Variants in RSRC1 observed in about 807,000 individuals in gnomAD.
The protein encoded by RSRC1 is arginine and serine rich coiled-coil 1, also known as serine/Arginine-related protein 53.
Under a neutral mutation model 49.1 loss-of-function variants are expected in RSRC1, and 39 were observed. The observed-to-expected ratio is 0.79, with a 90% confidence interval of 0.61 to 1.04. The LOEUF (loss-of-function observed/expected upper bound fraction) is 1.04. RSRC1 is among the 50% of genes least tolerant of loss of function. The pLI is 0.00. For synonymous variants in RSRC1, 143 were observed against 130.8 expected, an observed-to-expected ratio of 1.09 and a Z score of -0.63; for missense variants, 388 against 402.4, an observed-to-expected ratio of 0.96 and a Z score of 0.31.
chr3:158,485,815 G>T (rs573752643), intron 7 of RSRC1, among the ~76,000 whole-genome samples: 1 of 151,904 alleles, frequency 6.6e-6, no homozygotes, highest in African/African-American at 2.4e-5. Flanking sequence ...TCCAGTTTTC[G>T]TTTAGACATT....
At chr3:158,218,961 A>C (rs912564691) in intron 4 of RSRC1, among the ~76,000 whole-genome samples, 8 of 151,664 alleles carry the variant, frequency 5.3e-5, no homozygotes, top group African/African-American at 1.9e-4. Flanking sequence ...CCAGACACAC[A>C]AATAATGATA....
At chr3:158,348,573 T>A (rs557518211) in intron 5 of RSRC1, among the ~76,000 whole-genome samples, 2 of 136,972 alleles carry the variant, frequency 1.5e-5, no homozygotes, top group African/African-American at 2.5e-5. Context: ...TGTGTTTTTT[T>A]AAATTATTTT....
intron 6 of RSRC1, among the ~76,000 whole-genome samples, chr3:158,442,690 G>A (rs1411967492): frequency 6.6e-6 from 1 of 152,074 alleles, no homozygotes; most frequent in Non-Finnish European, 1.5e-5. Context: ...ATGGCATTTA[G>A]AATGGCAAAA....
intron 3 of RSRC1, among the ~76,000 whole-genome samples, chr3:158,202,112 T>C (rs1485425080): frequency 6.6e-6 from 1 of 152,104 alleles, no homozygotes; most frequent in Non-Finnish European, 1.5e-5. Context: ...CCTCCGAGGT[T>C]CAAGTGATTC....
chr3:158,397,639 A>AT (rs1733683654), intron 6 of RSRC1, among the ~76,000 whole-genome samples: 1 of 152,144 alleles, frequency 6.6e-6, no homozygotes, highest in African/African-American at 2.4e-5. Flanking sequence ...GACAACTTTA[A>AT]TATCTAGTAA....
intron 4 of RSRC1, among the ~76,000 whole-genome samples, chr3:158,203,884 A>G (rs1721210702): frequency 6.6e-6 from 1 of 152,186 alleles, no homozygotes; most frequent in Non-Finnish European, 1.5e-5. Context: ...TCCACTCATA[A>G]GTGTTTGTCA....
intron 4 of RSRC1, among the ~76,000 whole-genome samples, chr3:158,258,836 T>A (rs1321602944): frequency 3.3e-5 from 5 of 152,144 alleles, no homozygotes; most frequent in Non-Finnish European, 7.4e-5. Flanking sequence ...GCTAAGAGAC[T>A]CTGGTGCATT....
In RSRC1 at chr3:158,272,135, G is replaced by T. The variant is rs1017834583; in HGVS notation, c.495-25904G>T. 1.4e-4 allele frequency among the ~76,000 whole-genome samples: 22 copies of T among 152,108 alleles called. No homozygotes were observed. In the South Asian group the frequency reaches 4.4e-3, roughly 30 times the overall value. On this transcript the variant is annotated intron_variant, in intron 4 of 9. Transcript: ENST00000611884. ...CTCATTTTGCCTAAAAGCAAGTACC[G>T]GCAGATAAATGCCCATAAAGGGATT...
intron 4 of RSRC1, among the ~76,000 whole-genome samples, chr3:158,243,851 T>C (rs555421180): frequency 1.3e-5 from 2 of 152,302 alleles, no homozygotes; most frequent in South Asian, 2.1e-4. Flanking sequence ...TTGCCTGTTA[T>C]TGACGTAGAG....
At chr3:158,356,661 A>C (rs927273774) in intron 6 of RSRC1, among the ~76,000 whole-genome samples, 1 of 152,110 alleles carries the variant, frequency 6.6e-6, no homozygotes, top group African/African-American at 2.4e-5. Context: ...ATTCTATATC[A>C]TTTACATAAT....
At chr3:158,372,568 ATTAG>A (rs1471393975) in intron 6 of RSRC1, among the ~76,000 whole-genome samples, 4 of 151,948 alleles carry the variant, frequency 2.6e-5, no homozygotes, top group African/African-American at 7.2e-5. Context: ...GAGTCTGGAA[ATTAG>A]TTAGTGATTT....
chr3:158,289,441 A>G (rs1260537793), intron 4 of RSRC1, among the ~76,000 whole-genome samples: 3 of 152,224 alleles, frequency 2.0e-5, no homozygotes, highest in South Asian at 2.1e-4. Flanking sequence ...ATATTTGTCT[A>G]TAAAACTAAA....
At chr3:158,178,223 G>T (rs1002778835) in intron 3 of RSRC1, among the ~76,000 whole-genome samples, 1 of 152,032 alleles carries the variant, frequency 6.6e-6, no homozygotes, top group Non-Finnish European at 1.5e-5. Context: ...ACTGCAACTT[G>T]CACCTCCCAG....
intron 5 of RSRC1, among the ~76,000 whole-genome samples, chr3:158,307,592 T>A (rs1229290443): frequency 6.6e-6 from 1 of 151,786 alleles, no homozygotes; most frequent in Non-Finnish European, 1.5e-5. Context: ...AAGAATAATA[T>A]TATGATATCA....
intron 7 of RSRC1, among the ~76,000 whole-genome samples, chr3:158,526,449 G>T (rs541521916): frequency 6.6e-6 from 1 of 152,054 alleles, no homozygotes; most frequent in Non-Finnish European, 1.5e-5. Context: ...AGTGAAACAT[G>T]CTAAGGCACT....
intron 5 of RSRC1, among the ~76,000 whole-genome samples, chr3:158,299,895 T>G (rs1270223933): frequency 6.6e-6 from 1 of 152,176 alleles, no homozygotes; most frequent in Non-Finnish European, 1.5e-5. Flanking sequence ...ACTCCAGACT[T>G]CCACTACTCA....
intron 6 of RSRC1, among the ~76,000 whole-genome samples, chr3:158,439,055 A>G (rs1447725076): frequency 6.6e-6 from 1 of 152,144 alleles, no homozygotes; most frequent in Non-Finnish European, 1.5e-5. Flanking sequence ...CAAAAGACAC[A>G]TGAAAAAATG....
intron 3 of RSRC1, among the ~76,000 whole-genome samples, chr3:158,142,951 T>G (rs1282740915): frequency 6.6e-6 from 1 of 152,212 alleles, no homozygotes; most frequent in Non-Finnish European, 1.5e-5. Flanking sequence ...TACCTAACAT[T>G]GTATTTCAGC....
At chr3:158,418,830 AG>A (rs2108333666) in intron 6 of RSRC1, among the ~76,000 whole-genome samples, 1 of 152,118 alleles carries the variant, frequency 6.6e-6, no homozygotes, top group South Asian at 2.1e-4. Flanking sequence ...GTCAAGGTCA[AG>A]TTTGGGAAAA....
Sources: allele counts gnomAD v4.1 joint callset (sites outside exome capture counted in the v4.1 genomes callset), GRCh38; gene constraint gnomAD v4.1.1; transcripts MANE v1.5; gene names NCBI Gene and HGNC (gene_info 2026-07-23, HGNC 2026-07-21).